The following CPSF6 variants were observed in gnomAD, a reference collection of about 807,000 sequenced individuals.
CPSF6 encodes cleavage and polyadenylation specific factor 6.
In CPSF6, 10 loss-of-function variants were observed where a neutral mutation model predicts 56.7. The observed-to-expected ratio is 0.18, with a 90% CI of 0.11 to 0.30. CPSF6 has a LOEUF of 0.30. Ranked by LOEUF, CPSF6 falls within the 10% of genes least tolerant of loss-of-function variation. The probability of loss-of-function intolerance (pLI) is 1.00; values close to 1 mark genes in which losing one functional copy is unlikely to be tolerated. For missense variants in CPSF6, 419 were observed against 722.9 expected (o/e 0.58, Z 4.82); for synonymous variants, 248 against 244.8 (o/e 1.01, Z -0.12).
chr12:69,263,266 T>C (rs1450693039), intron 9 of CPSF6, among the ~76,000 whole-genome samples: 1 of 152,120 alleles, frequency 6.6e-6, no homozygotes, highest in Admixed American at 6.5e-5. Flanking sequence ...TACCCAAGTT[T>C]AGAATACCTT....
chr12:69,265,492 CCTCT>C (rs568019966), intron 9 of CPSF6, among the ~76,000 whole-genome samples: 2 of 151,904 alleles, frequency 1.3e-5, no homozygotes, highest in South Asian at 2.1e-4. Context: ...TCAGGCTTTT[CCTCT>C]CTCTATTTTA....
At chr12:69,251,707 A>G (rs963850959) in intron 2 of CPSF6, among the ~76,000 whole-genome samples, 1 of 152,212 alleles carries the variant, frequency 6.6e-6, no homozygotes, top group Non-Finnish European at 1.5e-5. Flanking sequence ...GGAAAGAGAC[A>G]TAGTATCACT....
chr12:69,259,216 G>A (rs1183658218), intron 6 of CPSF6, 122 bp downstream of exon 6: 3 of 1,280,530 alleles, frequency 2.3e-6, no homozygotes, highest in Non-Finnish European at 3.1e-6. Context: ...AGGTGTTTAA[G>A]CTGCTACCCT....
chr12:69,244,731 T>G (rs373293303), intron 1 of CPSF6, among the ~76,000 whole-genome samples: 1 of 151,654 alleles, frequency 6.6e-6, no homozygotes, highest in Non-Finnish European at 1.5e-5. Context: ...AACTAAGATA[T>G]ACACACATTA....
At chr12:69,257,539 A>C (rs972530840) in intron 4 of CPSF6, among the ~76,000 whole-genome samples, 193 bp from the exon 5 acceptor site, 1 of 152,226 alleles carries the variant, frequency 6.6e-6, no homozygotes, top group African/African-American at 2.4e-5. Context: ...TTAAACCTGG[A>C]TATTTTGAGT....
Position 69,258,188 on chromosome 12 carries a change from A to G in CPSF6, c.694+283A>G, listed in dbSNP as rs1336230511. The G allele has an allele frequency of 8.5e-6, 9 of 1,057,060 alleles. No homozygotes were observed. The East Asian group carries it at 2.1e-4, about 24-fold the overall frequency. 65.5% of individuals were successfully genotyped at this position (1,057,060 alleles called of 1,614,324 possible). A position where few individuals can be genotyped will look rare whatever the true frequency, so the allele number is the denominator to read the frequency against. On this transcript the variant is annotated intron_variant, in intron 5 of 9. Transcript: ENST00000435070. This position sits in a 1 kb window ranked among gnomAD's most constrained non-coding sequence, Gnocchi z 4.2. ...AACTTGCTTGACTTATATATAGAAT[A>G]TTTACATCCGTCTTACTTTCTTACC...
At chr12:69,263,265 T>A (rs1302976534) in intron 9 of CPSF6, among the ~76,000 whole-genome samples, 2 of 152,056 alleles carry the variant, frequency 1.3e-5, no homozygotes, top group Admixed American at 1.3e-4. Flanking sequence ...ATACCCAAGT[T>A]TAGAATACCT....
intron 1 of CPSF6, among the ~76,000 whole-genome samples, chr12:69,246,099 AT>A (rs1452191563): frequency 1.3e-5 from 2 of 152,160 alleles, no homozygotes; most frequent in Non-Finnish European, 2.9e-5. Context: ...ACAAAAATAG[AT>A]TAATTACTTT....
chr12:69,248,648 G>C (rs1872040150), intron 1 of CPSF6, among the ~76,000 whole-genome samples: 1 of 152,094 alleles, frequency 6.6e-6, no homozygotes. Flanking sequence ...GATTATTTTA[G>C]TATTGCTGTA....
At chr12:69,253,317 T>G (rs144304039) in intron 3 of CPSF6, among the ~76,000 whole-genome samples, 163 bp downstream of exon 3, 1 of 152,224 alleles carries the variant, frequency 6.6e-6, no homozygotes, top group African/African-American at 2.4e-5. Flanking sequence ...GATTGATACT[T>G]TTCATTTTAC....
Position 69,262,426 on chromosome 12 carries a change from G to T in CPSF6, c.1523G>T (p.Arg508Leu). 6.2e-7 allele frequency: 1 copy of T among 1,612,432 alleles called. No individual in the cohort carries two copies. Among genetic ancestry groups the T allele is most frequent in the Non-Finnish European group, 8.5e-7 (1 of 1,178,856 alleles). Residue 508 changes from arginine (R) to leucine (L), a missense_variant, in exon 9 of 10, where the codon CGT becomes CTT. Transcript: ENST00000435070. ...AGTAGATCACGAGAAAAGAGTCGACGTCATAAATCCCGTAGTAGAGACCGT... is the reference window on the plus strand; with the variant it reads ...AGTAGATCACGAGAAAAGAGTCGACTTCATAAATCCCGTAGTAGAGACCGT... The part of the protein sequence containing the change: ...DHSRSREKSR[R>L]HKSRSRDRHD...
chr12:69,268,704 C>G (rs1475829313), intron 9 of CPSF6, among the ~76,000 whole-genome samples: 2 of 151,676 alleles, frequency 1.3e-5, no homozygotes, highest in Non-Finnish European at 3.0e-5. Flanking sequence ...TCTTGTGAAC[C>G]TCTACCTGAA....
In CPSF6 at chr12:69,258,851, C is replaced by T. The variant is rs1872623356; in HGVS notation, c.956C>T (p.Pro319Leu). The change falls in exon 6 of 10, where the codon CCT (proline) becomes CTT (leucine). Residue 319 changes from proline (P) to leucine (L), a missense_variant. Physicochemically the swap from Pro to Leu is moderately conservative, Grantham distance 98 (BLOSUM62 -3). Coordinates refer to ENST00000435070, the MANE Select transcript of CPSF6 (RefSeq NM_007007.3). This position sits in a 1 kb window ranked among gnomAD's most constrained non-coding sequence, Gnocchi z 4.2. Reference protein sequence around the residue: ...PPPPQQGPPPPPGPFPPRPPG... With the variant: ...PPPPQQGPPPLPGPFPPRPPG... The stretch of plus-strand genomic sequence containing the variant: ...CCTCCACAACAGGGACCACCTCCAC[C>T]TCCAGGCCCCTTTCCACCTCGTCCA... 1.9e-6 allele frequency: 3 copies of T among 1,613,978 alleles called. No individual in the cohort carries two copies. The highest frequency in any genetic ancestry group is 1.7e-5 in the Admixed American group (1 of 59,996).
At chr12:69,239,826 T>G in intron 1 of CPSF6, 120 bp downstream of exon 1, 1 of 858,462 alleles carries the variant, frequency 1.2e-6, no homozygotes, top group Non-Finnish European at 1.5e-6. Flanking sequence ...TTGCCGCCTC[T>G]GGGCCGCGCC....
chr12:69,251,246 G>A lies in CPSF6; in HGVS notation c.178G>A (p.Val60Ile). Residue 60 changes from valine (V) to isoleucine (I), a missense_variant, in exon 2 of 10, where the codon GTT becomes ATT. By Grantham distance (29) the Val-to-Ile change is conservative. Transcript: ENST00000435070. ...RDYMDTLPPT[V>I]GDDVGKGAAP... ...TTACATGGATACTCTCCCACCAACT[G>A]TTGGTGATGATGTGGGTAAAGGAGC... 1.2e-6 allele frequency: 2 copies of A among 1,613,100 alleles called. No homozygotes were observed. The highest frequency in any genetic ancestry group is 2.2e-5 in the South Asian group (2 of 91,014).
chr12:69,258,937 C>T lies in CPSF6; in HGVS notation c.1042C>T (p.Pro348Ser). 6.2e-7 allele frequency: 1 copy of T among 1,614,156 alleles called. No homozygotes were observed. The highest frequency in any genetic ancestry group is 8.5e-7 in the Non-Finnish European group (1 of 1,180,038). ...TCCTCCGCATCTTCCTGGACCACCT[C>T]CAGGTGCCCCACCGCCAGCTCCGCA... ...APPPHLPGPP[P>S]GAPPPAPHVN... The change falls in exon 6 of 10, where the codon CCA becomes TCA. Residue 348 changes from proline (P) to serine (S), a missense_variant. Physicochemically the swap from Pro to Ser is moderately conservative, Grantham distance 74 (BLOSUM62 -1). Transcript: ENST00000435070. The surrounding 1 kb of genome is among the most constrained non-coding windows in gnomAD (Gnocchi z 4.2).
chr12:69,271,455 G>T lies in CPSF6; in HGVS notation c.*1947G>T, dbSNP rs568183175. On this transcript the variant is annotated 3_prime_UTR_variant, in exon 10 of 10. Coordinates refer to ENST00000435070, the MANE Select transcript of CPSF6 (RefSeq NM_007007.3). ...AATTTTCTTTGAACAGTTTAAAAAT[G>T]GAATCACAAAAATCTAACTGCACTT... The T allele has an allele frequency of 3.3e-5, 5 of 151,638 alleles. No individual in the cohort carries two copies. The South Asian group carries it at 8.3e-4, about 25-fold the overall frequency. The allele number at this position is 151,638 out of a possible 1,614,324, so 9.4% of individuals were successfully genotyped here. A position where few individuals can be genotyped will look rare whatever the true frequency, so the allele number is the denominator to read the frequency against.
chr12:69,262,634 T>C (rs1872796333), intron 9 of CPSF6, 72 bp downstream of exon 9: 4 of 1,477,664 alleles, frequency 2.7e-6, no homozygotes, highest in African/African-American at 1.4e-5. Context: ...GGCTACTGTT[T>C]ATACAGTATA....
intron 1 of CPSF6, among the ~76,000 whole-genome samples, chr12:69,250,551 C>T (rs1450472115): frequency 2.3e-5 from 3 of 127,952 alleles, no homozygotes; most frequent in Admixed American, 1.9e-4. Context: ...CTCAGGAGTT[C>T]GAAACTAGCG....
Sources: gnomAD v4.1 joint callset for allele counts (sites outside exome capture counted in the v4.1 genomes callset) on GRCh38, gnomAD v4.1.1 for gene constraint, Gnocchi (gnomAD v3.1) non-coding constraint, MANE v1.5 for transcripts, NCBI Gene and HGNC (gene_info 2026-07-23, HGNC 2026-07-21) for gene names.